Variants in FKBP9 observed in about 807,000 individuals in gnomAD.
The protein encoded by FKBP9 is peptidyl-prolyl cis-trans isomerase FKBP9.
In FKBP9, 27 loss-of-function variants were observed where a neutral mutation model predicts 55.6. That is an observed-to-expected ratio of 0.49 (90% CI 0.36 to 0.67). The LOEUF is 0.67. Ranked by LOEUF, FKBP9 falls within the 30% of genes least tolerant of loss-of-function variation. FKBP9 has a pLI of 0.00. For missense variants in FKBP9, 539 were observed against 742.8 expected, an observed-to-expected ratio of 0.73 and a Z score of 3.19; for synonymous variants, 267 against 296.5, an observed-to-expected ratio of 0.90 and a Z score of 1.02.
In FKBP9 at chr7:32,988,529, G is replaced by C. The variant is rs778673269; in HGVS notation, c.916G>C (p.Asp306His). 8 of 1,613,734 alleles carry C rather than the reference G, an allele frequency of 5.0e-6. No homozygotes were observed. In the South Asian group the frequency reaches 8.8e-5, roughly 18 times the overall value. ...DSSYSRNRTFDTYIGQGYVIP... is the reference protein window; with the variant it reads ...DSSYSRNRTFHTYIGQGYVIP... Reference sequence around the variant, plus strand: ...TAGCTACTCTCGGAACCGCACGTTTGACACGTACATTGGGCAGGGCTACGT... The same window carrying C: ...TAGCTACTCTCGGAACCGCACGTTTCACACGTACATTGGGCAGGGCTACGT... Residue 306 changes from aspartate (D) to histidine (H), a missense_variant, in exon 6 of 10, where the codon GAC becomes CAC. Physicochemically the swap from Asp to His is moderately conservative, Grantham distance 81 (BLOSUM62 -1). This residue lies in a region of FKBP9 where 172 missense variants were observed against 205.3 expected (regional missense o/e 0.84). Transcript: ENST00000242209.
At chr7:32,996,841 G>A (rs1201622328) in intron 7 of FKBP9, among the ~76,000 whole-genome samples, 2 of 114,586 alleles carry the variant, frequency 1.7e-5, no homozygotes, top group Non-Finnish European at 3.2e-5. Flanking sequence ...AGGCCGGACT[G>A]CGGACTGCAG....
Position 32,980,488 on chromosome 7 carries a change from A to C in FKBP9, c.828A>C (p.Gln276His), listed in dbSNP as rs753172632. The C allele has an allele frequency of 2.7e-5, 43 of 1,613,954 alleles. No individual in the cohort carries two copies. The South Asian group carries it at 4.5e-4, about 17-fold the overall frequency. ...VVPENCERIS[Q>H]SGDFLRYHYN... ...CTGAAAACTGTGAGCGGATAAGTCAAAGTGGGGACTTTCTCAGGTATCATT... is the reference window on the plus strand; with the variant it reads ...CTGAAAACTGTGAGCGGATAAGTCACAGTGGGGACTTTCTCAGGTATCATT... The change falls in exon 5 of 10, where the codon CAA becomes CAC. Residue 276 changes from glutamine to histidine, a missense_variant. Around this residue, in one of 4 missense-constraint regions of FKBP9, gnomAD observed 172 missense variants for 205.3 expected, o/e 0.84. Coordinates refer to ENST00000242209, the MANE Select transcript of FKBP9 (RefSeq NM_007270.5).
intron 6 of FKBP9, 148 bp downstream of exon 6, chr7:32,988,800 T>C (rs1229855248): frequency 4.0e-6 from 3 of 752,492 alleles, no homozygotes; most frequent in Middle Eastern, 2.4e-4. Context: ...GTGATCATCG[T>C]GTACTATGGC....
Position 33,005,607 on chromosome 7 carries a change from AC to A in FKBP9, c.*257del, listed in dbSNP as rs1253201765. 2.5e-6 allele frequency: 1 copy of A among 394,194 alleles called. No homozygotes were observed. Among genetic ancestry groups the A allele is most frequent in the Admixed American group, 4.1e-5 (1 of 24,226 alleles). 24.4% of individuals were successfully genotyped at this position (394,194 alleles called of 1,614,324 possible). ...ATGTGTCCAGTATTGAAAAGGCTGC[AC>A]TGCCAACCATGATTTGTGAGCCTTC... is the stretch of plus-strand genomic sequence containing the variant. On this transcript the variant is annotated 3_prime_UTR_variant, in exon 10 of 10. Coordinates refer to ENST00000242209, the MANE Select transcript of FKBP9 (RefSeq NM_007270.5).
intron 4 of FKBP9, among the ~76,000 whole-genome samples, chr7:32,979,102 C>G (rs1371715777): frequency 1.3e-5 from 2 of 152,078 alleles, no homozygotes; most frequent in Non-Finnish European, 2.9e-5. Context: ...AACCCCGTCT[C>G]TACTAAAAAT....
intron 1 of FKBP9, among the ~76,000 whole-genome samples, chr7:32,959,437 CA>C (rs200366262): frequency 4.6e-5 from 7 of 151,858 alleles, no homozygotes; most frequent in Non-Finnish European, 1.0e-4. Context: ...AAAAACGAAA[CA>C]AAAAAAACAG....
intron 1 of FKBP9, chr7:32,963,738 G>T: frequency 2.3e-6 from 3 of 1,293,918 alleles, no homozygotes; most frequent in Non-Finnish European, 2.9e-6. Flanking sequence ...GTTGCAAACG[G>T]GGCTTCATTC....
At chr7:33,004,150 A>G (rs2392194) in intron 9 of FKBP9, among the ~76,000 whole-genome samples, 5 of 151,870 alleles carry the variant, frequency 3.3e-5, no homozygotes, top group Non-Finnish European at 7.4e-5. Context: ...GAGAGCACAC[A>G]CAGAACCTGA....
At chr7:32,977,890 T>TATATATATATATATATATACAC (rs1473389643) in intron 4 of FKBP9, among the ~76,000 whole-genome samples, 1 of 139,340 alleles carries the variant, frequency 7.2e-6, no homozygotes, top group African/African-American at 2.7e-5. Context: ...TATGTATATA[T>TATATATATATATATATATACAC]ACACTCATAT....
At position 32,980,470 on chromosome 7, in the gene FKBP9, CTG is replaced by C. The variant is rs1447111827; in HGVS notation, c.813_814del (p.Cys271Ter). 6.2e-7 allele frequency: 1 copy of C among 1,613,814 alleles called. No homozygotes were observed. The highest frequency in any genetic ancestry group is 8.5e-7 in the Non-Finnish European group (1 of 1,179,848). Reference sequence around the variant, plus strand: ...TTGAGAACAAGGTAGTACCTGAAAACTGTGAGCGGATAAGTCAAAGTGGGGAC... The same window carrying C: ...TTGAGAACAAGGTAGTACCTGAAAACTGAGCGGATAAGTCAAAGTGGGGAC... ...SIENKVVPENCERISQSGDFL... is the reference protein window; with the variant it reads ...SIENKVVPENXERISQSGDFL... On this transcript the variant is annotated frameshift_variant, in exon 5 of 10. Coordinates refer to ENST00000242209, the MANE Select transcript of FKBP9 (RefSeq NM_007270.5). LOFTEE classifies it high-confidence loss of function.
At chr7:32,992,741 C>T (rs1326286477) in intron 6 of FKBP9, 1 of 216,792 alleles carries the variant, frequency 4.6e-6, no homozygotes, top group African/African-American at 2.3e-5. Flanking sequence ...CTCCATCTAT[C>T]CATCCATCAA....
intron 1 of FKBP9, among the ~76,000 whole-genome samples, chr7:32,959,396 CG>C (rs1181591476): frequency 6.6e-6 from 1 of 151,968 alleles, no homozygotes; most frequent in Non-Finnish European, 1.5e-5. Flanking sequence ...AGGGAGACTC[CG>C]TCTCAAAAAA....
intron 3 of FKBP9, 41 bp from the exon 4 acceptor site, chr7:32,976,313 C>T (rs1784362750): frequency 1.2e-6 from 2 of 1,613,384 alleles, no homozygotes; most frequent in South Asian, 1.1e-5. Context: ...TGGAAATATC[C>T]TCATGGTGTG....
intron 2 of FKBP9, chr7:32,974,973 A>G (rs1784331180): frequency 1.6e-6 from 1 of 635,352 alleles, no homozygotes. Flanking sequence ...ACTGAATGAT[A>G]CCCTCAATGA....
In FKBP9 at chr7:32,957,800, G is replaced by A; in HGVS notation, c.221+6G>A. On this transcript the variant is annotated splice_donor_region_variant and intron_variant, in intron 1 of 9. Coordinates refer to ENST00000242209, the MANE Select transcript of FKBP9 (RefSeq NM_007270.5). The stretch of plus-strand genomic sequence containing the variant: ...GGCCAGAAGTTCGACTCCAGGTACC[G>A]CGCCCTTGGCGCCCGGCGCGGCCTC... The A allele has an allele frequency of 7.0e-7, 1 of 1,430,268 alleles. No individual in the cohort carries two copies. The highest frequency in any genetic ancestry group is 9.1e-7 in the Non-Finnish European group (1 of 1,094,956). 88.6% of individuals were successfully genotyped at this position (1,430,268 alleles called of 1,614,324 possible). A position where few individuals can be genotyped will look rare whatever the true frequency, so the allele number is the denominator to read the frequency against.
At chr7:32,996,001 C>A (rs1784776789) in intron 6 of FKBP9, among the ~76,000 whole-genome samples, 162 bp from the exon 7 acceptor site, 1 of 152,212 alleles carries the variant, frequency 6.6e-6, no homozygotes, top group Non-Finnish European at 1.5e-5. Flanking sequence ...TTACATCTAA[C>A]AGCCCTTTCA....
intron 5 of FKBP9, among the ~76,000 whole-genome samples, chr7:32,983,902 T>G (rs1784528811): frequency 6.6e-6 from 1 of 152,244 alleles, no homozygotes; most frequent in Non-Finnish European, 1.5e-5. Context: ...TTTAGGGCAT[T>G]GGCATTTGTC....
At chr7:32,970,081 T>C (rs1474512001) in intron 1 of FKBP9, among the ~76,000 whole-genome samples, 1 of 152,032 alleles carries the variant, frequency 6.6e-6, no homozygotes, top group Non-Finnish European at 1.5e-5. Context: ...AGGATTTTGG[T>C]AGGAATTGCA....
At chr7:32,978,533 G>GT (rs1299680445) in intron 4 of FKBP9, among the ~76,000 whole-genome samples, 2 of 152,010 alleles carry the variant, frequency 1.3e-5, no homozygotes, top group Non-Finnish European at 2.9e-5. Context: ...AGTTAAAAAA[G>GT]TTTTTTTAGA....
Sources: gnomAD v4.1 joint callset for allele counts (sites outside exome capture counted in the v4.1 genomes callset) on GRCh38, gnomAD v4.1.1 for gene constraint, gnomAD v4.1.1 regional missense constraint, MANE v1.5 for transcripts, NCBI Gene and HGNC (gene_info 2026-07-23, HGNC 2026-07-21) for gene names.